The following FGGY variants were observed in gnomAD, a reference collection of about 807,000 sequenced individuals.
FGGY encodes FGGY carbohydrate kinase domain containing.
Under a neutral mutation model 71.3 loss-of-function variants are expected in FGGY, and 72 were observed. The ratio of observed to expected loss-of-function variants is 1.01; its 90% CI spans 0.84 to 1.23. The LOEUF (loss-of-function observed/expected upper bound fraction) is 1.23, where lower values mean the gene tolerates loss of function less well. Among genes scored for constraint, FGGY ranks in the 50% most tolerant of loss-of-function variants. The pLI is 0.00. For synonymous variants in FGGY, 251 were observed against 250.3 expected, an observed-to-expected ratio of 1.00 and a Z score of -0.02; for missense variants, 668 against 682.3, an observed-to-expected ratio of 0.98 and a Z score of 0.23.
intron 14 of FGGY, among the ~76,000 whole-genome samples, chr1:59,716,427 T>C (rs1166022848): frequency 1.3e-5 from 2 of 152,186 alleles, no homozygotes; most frequent in Non-Finnish European, 2.9e-5. Context: ...GTTGGTATCA[T>C]TATTTTCATT....
intron 6 of FGGY, among the ~76,000 whole-genome samples, chr1:59,461,026 C>T (rs6682540): frequency 0.37 from 56,259 of 152,048 alleles, 11,220 homozygotes; most frequent in Middle Eastern, 0.51. Flanking sequence ...CAAAGGATCA[C>T]AATTCCCTGC....
Position 59,655,309 on chromosome 1 carries a change from G to A in FGGY, c.1222-4910G>A, listed in dbSNP as rs1018427581. The stretch of plus-strand genomic sequence containing the variant: ...ACGTTCTGGGATACATGTGAAGAAC[G>A]TGCAGGTTTGTTAAATAGGTATACA... On this transcript the variant is annotated intron_variant, in intron 11 of 15. Coordinates refer to ENST00000303721, the MANE Select transcript of FGGY (RefSeq NM_018291.5). 7.2e-5 allele frequency among the ~76,000 whole-genome samples: 11 copies of A among 152,164 alleles called. No homozygotes were observed. In the South Asian group the frequency reaches 8.3e-4, roughly 11 times the overall value.
intron 9 of FGGY, among the ~76,000 whole-genome samples, chr1:59,611,671 G>C (rs2096681402): frequency 6.6e-6 from 1 of 152,252 alleles, no homozygotes; most frequent in Non-Finnish European, 1.5e-5. Flanking sequence ...CGAGTTGAGA[G>C]AAGAAGGCTT....
chr1:59,631,086 G>C (rs939543453), intron 10 of FGGY, among the ~76,000 whole-genome samples: 1 of 152,112 alleles, frequency 6.6e-6, no homozygotes, highest in African/African-American at 2.4e-5. Context: ...GTTCTCAGCA[G>C]CATGGGGCAT....
intron 5 of FGGY, among the ~76,000 whole-genome samples, chr1:59,398,235 C>T (rs2061546042): frequency 6.6e-6 from 1 of 151,866 alleles, no homozygotes; most frequent in Non-Finnish European, 1.5e-5. Flanking sequence ...CATGATTTTA[C>T]TGTAAAAAAA....
chr1:59,617,601 G>C (rs193136608), intron 9 of FGGY, among the ~76,000 whole-genome samples: 1 of 152,126 alleles, frequency 6.6e-6, no homozygotes, highest in African/African-American at 2.4e-5. Flanking sequence ...AAAAAGCATT[G>C]CTTTTTCCCC....
At chr1:59,324,169 T>C (rs74993062) in intron 2 of FGGY, among the ~76,000 whole-genome samples, 2,957 of 151,864 alleles carry the variant, frequency 0.019, 46 homozygotes, top group East Asian at 0.05. Flanking sequence ...GTGTCAATGA[T>C]GATGACAAAG....
chr1:59,466,085 T>C (rs140516150), intron 6 of FGGY, among the ~76,000 whole-genome samples: 4,229 of 152,186 alleles, frequency 0.028, 207 homozygotes, highest in African/African-American at 0.097. Flanking sequence ...GGAGGCATCA[T>C]GCTACCTGAC....
chr1:59,451,351 CTGTT>C (rs2072654903), intron 5 of FGGY, among the ~76,000 whole-genome samples: 1 of 148,288 alleles, frequency 6.7e-6, no homozygotes, highest in African/African-American at 2.5e-5. Context: ...CAGTTCCAGA[CTGTT>C]ACTAAGTTTT....
chr1:59,439,578 A>C (rs1428759017), intron 5 of FGGY, among the ~76,000 whole-genome samples: 1 of 152,112 alleles, frequency 6.6e-6, no homozygotes, highest in Non-Finnish European at 1.5e-5. Flanking sequence ...ATCTTTTCCC[A>C]TTCCACATCA....
At chr1:59,627,489 T>TATATATATATATATATATATACACAC in intron 10 of FGGY, among the ~76,000 whole-genome samples, 1 of 92,782 alleles carries the variant, frequency 1.1e-5, no homozygotes, top group South Asian at 3.8e-4. Context: ...TATATATATA[T>TATATATATATATATATATATACACAC]ACACACACAC....
At chr1:59,475,836 A>G (rs1006591527) in intron 6 of FGGY, among the ~76,000 whole-genome samples, 2 of 152,148 alleles carry the variant, frequency 1.3e-5, no homozygotes, top group Non-Finnish European at 2.9e-5. Context: ...CTGATAATCC[A>G]TTCTCCACAC....
At chr1:59,567,092 G>A (rs577818770) in intron 8 of FGGY, among the ~76,000 whole-genome samples, 2 of 152,308 alleles carry the variant, frequency 1.3e-5, no homozygotes, top group South Asian at 4.1e-4. Context: ...TGTTGGAGAA[G>A]AAATCGTGCC....
chr1:59,654,103 T>C (rs2097196227), intron 11 of FGGY, among the ~76,000 whole-genome samples: 1 of 152,248 alleles, frequency 6.6e-6, no homozygotes, highest in Admixed American at 6.5e-5. Context: ...AGGATTCTGC[T>C]TACCACATTG....
chr1:59,488,782 G>T (rs1250252715), intron 6 of FGGY, among the ~76,000 whole-genome samples: 1 of 151,546 alleles, frequency 6.6e-6, no homozygotes, highest in Non-Finnish European at 1.5e-5. Flanking sequence ...TACCTTGTCA[G>T]CATTTTATGT....
intron 5 of FGGY, among the ~76,000 whole-genome samples, chr1:59,452,685 A>G (rs1460157742): frequency 6.6e-6 from 1 of 152,220 alleles, no homozygotes; most frequent in Non-Finnish European, 1.5e-5. Context: ...GAAAGCAGTG[A>G]AAGGTACATC....
At chr1:59,373,437 C>T (rs1439627135) in intron 4 of FGGY, among the ~76,000 whole-genome samples, 5 of 152,148 alleles carry the variant, frequency 3.3e-5, no homozygotes, top group Non-Finnish European at 7.3e-5. Flanking sequence ...ACATTCCATG[C>T]TCATGGATAG....
At chr1:59,728,994 A>G (rs780526603) in intron 14 of FGGY, among the ~76,000 whole-genome samples, 2 of 151,968 alleles carry the variant, frequency 1.3e-5, no homozygotes, top group African/African-American at 2.4e-5. Context: ...TCACTTTGTT[A>G]TCTTCATATT....
At chr1:59,565,908 G>A (rs2095866233) in intron 8 of FGGY, among the ~76,000 whole-genome samples, 1 of 152,146 alleles carries the variant, frequency 6.6e-6, no homozygotes, top group Admixed American at 6.5e-5. Flanking sequence ...CATCCCCTGG[G>A]AAGAGAGTAT....
Sources: gnomAD v4.1 joint callset for allele counts (sites outside exome capture counted in the v4.1 genomes callset) on GRCh38, gnomAD v4.1.1 for gene constraint, MANE v1.5 for transcripts, NCBI Gene and HGNC (gene_info 2026-07-23, HGNC 2026-07-21) for gene names.